ATE1: variants seen among roughly 807,000 people sequenced by gnomAD.
ATE1 encodes the protein arginyl-tRNA--protein transferase 1.
In ATE1, 36 loss-of-function variants were observed where a neutral mutation model predicts 70.5. The ratio of observed to expected loss-of-function variants is 0.51; its 90% CI spans 0.39 to 0.67. The LOEUF is 0.67. ATE1 is among the 30% of genes least tolerant of loss of function. ATE1 has a pLI of 0.00. For missense variants in ATE1, 593 were observed against 629.5 expected, an observed-to-expected ratio of 0.94 and a Z score of 0.62; for synonymous variants, 232 against 219.3, an observed-to-expected ratio of 1.06 and a Z score of -0.51.
chr10:121,821,149 TTAGCC>T lies in ATE1; in HGVS notation c.1257+15564_1257+15568del, dbSNP rs1392060917. ...TTAGTAGAGACGGGGTTTCACCATG[TTAGCC>T]AGGATGGTCTCGATCTCCTGACCTC... On this transcript the variant is annotated intron_variant, in intron 10 of 11. Transcript: ENST00000224652. Among the ~76,000 whole-genome samples the T allele has an allele frequency of 2.6e-5, 4 of 152,266 alleles. No individual in the cohort carries two copies. In the East Asian group the frequency reaches 7.8e-4, roughly 30 times the overall value.
chr10:121,887,942 T>C (rs944373314), intron 7 of ATE1, among the ~76,000 whole-genome samples: 2 of 152,162 alleles, frequency 1.3e-5, no homozygotes, highest in Non-Finnish European at 2.9e-5. Flanking sequence ...CACCTCTCCA[T>C]AATAACTACT....
intron 6 of ATE1, 37 bp from the exon 7 acceptor site, chr10:121,900,031 AT>A: frequency 1.2e-6 from 2 of 1,606,684 alleles, no homozygotes; most frequent in Non-Finnish European, 1.7e-6. Context: ...TTACTAATTC[AT>A]TCATTTATTC....
intron 8 of ATE1, among the ~76,000 whole-genome samples, chr10:121,868,055 T>C (rs1004288337): frequency 6.6e-6 from 1 of 152,192 alleles, no homozygotes; most frequent in Non-Finnish European, 1.5e-5. Flanking sequence ...AACTGCTTCC[T>C]AGAAAGGATG....
intron 10 of ATE1, among the ~76,000 whole-genome samples, chr10:121,815,632 G>A (rs1012090955): frequency 6.6e-5 from 10 of 152,244 alleles, no homozygotes; most frequent in Admixed American, 2.0e-4. Context: ...TGAATTAGAC[G>A]GAAACTTCTC....
intron 4 of ATE1, among the ~76,000 whole-genome samples, chr10:121,912,626 C>T (rs1024718012): frequency 6.6e-6 from 1 of 151,648 alleles, no homozygotes; most frequent in African/African-American, 2.4e-5. Flanking sequence ...CACTCCAGCC[C>T]GGGCGACAGA....
chr10:121,752,268 T>C (rs1944616851), intron 11 of ATE1, among the ~76,000 whole-genome samples: 1 of 132,566 alleles, frequency 7.5e-6, no homozygotes, highest in Admixed American at 8.3e-5. Context: ...TCTCCCTCTG[T>C]CGCCCAGGCT....
In ATE1 at chr10:121,806,521, G is replaced by A. The variant is rs115482761; in HGVS notation, c.1258-16232C>T. Reference sequence around the variant, plus strand: ...TGATTAAACCCAGGATTGAGGGGGGGAAAGAATAAAATACACTATCAGGAC... The same window carrying A: ...TGATTAAACCCAGGATTGAGGGGGGAAAAGAATAAAATACACTATCAGGAC... On this transcript the variant is annotated intron_variant, in intron 10 of 11. Coordinates refer to ENST00000224652, the MANE Select transcript of ATE1 (RefSeq NM_001001976.3). Among the ~76,000 whole-genome samples, 773 of 152,218 alleles carry A rather than the reference G, an allele frequency of 5.1e-3. 8 individuals carry two copies. The highest frequency in any genetic ancestry group is 0.018 in the African/African-American group (744 of 41,518).
intron 11 of ATE1, among the ~76,000 whole-genome samples, chr10:121,745,960 C>G (rs1478111754): frequency 6.6e-5 from 10 of 152,092 alleles, no homozygotes; most frequent in Non-Finnish European, 4.4e-5. Flanking sequence ...AAAGTAGGCA[C>G]AGTATAAACA....
chr10:121,856,710 G>A (rs374388721), intron 8 of ATE1, among the ~76,000 whole-genome samples: 3 of 152,164 alleles, frequency 2.0e-5, no homozygotes, highest in African/African-American at 7.2e-5. Context: ...ATATATATAC[G>A]TTGATTTAAA....
At chr10:121,762,062 GTT>G (rs1945063649) in intron 11 of ATE1, among the ~76,000 whole-genome samples, 1 of 152,226 alleles carries the variant, frequency 6.6e-6, no homozygotes, top group Non-Finnish European at 1.5e-5. Flanking sequence ...TGAAGTCAAA[GTT>G]GTCCCCTTGT....
intron 10 of ATE1, among the ~76,000 whole-genome samples, chr10:121,824,549 C>T (rs1947929965): frequency 6.6e-6 from 1 of 152,200 alleles, no homozygotes. Context: ...CACAATCAAG[C>T]TGAGACATTC....
intron 9 of ATE1, among the ~76,000 whole-genome samples, chr10:121,840,035 A>T (rs1017118819): frequency 5.3e-5 from 8 of 152,174 alleles, no homozygotes; most frequent in African/African-American, 1.9e-4. Context: ...CCAGATAAAC[A>T]AAAGAAAAAT....
At chr10:121,905,698 A>C (rs1951162267) in intron 5 of ATE1, among the ~76,000 whole-genome samples, 2 of 152,132 alleles carry the variant, frequency 1.3e-5, no homozygotes, top group African/African-American at 2.4e-5. Context: ...CAAAAAAATC[A>C]GCCGGGAGTG....
chr10:121,797,760 C>A (rs1946717759), intron 10 of ATE1, among the ~76,000 whole-genome samples: 1 of 152,214 alleles, frequency 6.6e-6, no homozygotes. Flanking sequence ...GCTCCCACCT[C>A]AGAGATTCTC....
At chr10:121,846,729 T>TAAAC (rs1215999522) in intron 8 of ATE1, 2 of 151,560 alleles carry the variant, frequency 1.3e-5, no homozygotes, top group African/African-American at 4.8e-5. Context: ...AATAAATAAA[T>TAAAC]AAATAAATAA....
intron 10 of ATE1, among the ~76,000 whole-genome samples, chr10:121,811,794 T>C (rs977848808): frequency 6.6e-6 from 1 of 152,090 alleles, no homozygotes; most frequent in Non-Finnish European, 1.5e-5. Context: ...TTTTCTAGAA[T>C]CCTGTATCCA....
chr10:121,786,624 A>G (rs1234458920), intron 11 of ATE1, among the ~76,000 whole-genome samples: 2 of 149,276 alleles, frequency 1.3e-5, no homozygotes, highest in African/African-American at 4.9e-5. Context: ...AGCCAAGATC[A>G]TACCAGCCTG....
intron 1 of ATE1, 104 bp downstream of exon 1, chr10:121,927,740 A>G (rs897482178): frequency 7.2e-7 from 1 of 1,381,008 alleles, no homozygotes; most frequent in Non-Finnish European, 9.4e-7. Context: ...CGGCCGTGGC[A>G]CTGGGGCCAG....
At chr10:121,911,566 C>A (rs1036496159) in intron 4 of ATE1, among the ~76,000 whole-genome samples, 1 of 152,058 alleles carries the variant, frequency 6.6e-6, no homozygotes, top group Non-Finnish European at 1.5e-5. Context: ...TCCAATTATG[C>A]CTCACTAGTT....
Sources: allele counts gnomAD v4.1 joint callset (sites outside exome capture counted in the v4.1 genomes callset), GRCh38; gene constraint gnomAD v4.1.1; transcripts MANE v1.5; gene names NCBI Gene and HGNC (gene_info 2026-07-23, HGNC 2026-07-21).